Variants in CLIP4 observed in about 807,000 individuals in gnomAD.
CLIP4 encodes CAP-Gly domain-containing linker protein 4.
CLIP4 carries 47 observed loss-of-function variants against 73.1 expected under a neutral mutation model. The ratio of observed to expected loss-of-function variants is 0.64; its 90% CI spans 0.51 to 0.82. CLIP4 has a LOEUF of 0.82. CLIP4 is among the 40% of genes least tolerant of loss of function. The pLI, the probability that CLIP4 is intolerant of heterozygous loss-of-function variation, is 0.00. For synonymous variants in CLIP4, 306 were observed against 295.4 expected, an observed-to-expected ratio of 1.04 and a Z score of -0.37; for missense variants, 874 against 852.9, an observed-to-expected ratio of 1.02 and a Z score of -0.31.
At chr2:29,106,401 C>G (rs554144888) in intron 1 of CLIP4, among the ~76,000 whole-genome samples, 1 of 152,290 alleles carries the variant, frequency 6.6e-6, no homozygotes, top group East Asian at 1.9e-4. Context: ...TGAGAAATCC[C>G]GAGTTCTGGC....
At position 29,135,595 on chromosome 2, in the gene CLIP4, A is replaced by ATT; in HGVS notation, c.578_579dup (p.Ala194LeufsTer11). ...TTTTAATTTTGGAACAGCTTTGCATATTGCAGCATACAACTTGTGTGCAGG... is the reference window on the plus strand; with the variant it reads ...TTTTAATTTTGGAACAGCTTTGCATATTTTGCAGCATACAACTTGTGTGCAGG... On this transcript the variant is annotated frameshift_variant, in exon 6 of 16. Transcript: ENST00000320081. LOFTEE classifies it high-confidence loss of function. 6.2e-7 allele frequency: 1 copy of ATT among 1,611,064 alleles called. No homozygotes were observed. The highest frequency in any genetic ancestry group is 1.1e-5 in the South Asian group (1 of 90,444).
At chr2:29,146,384 A>T (rs993269997) in intron 8 of CLIP4, among the ~76,000 whole-genome samples, 2 of 152,116 alleles carry the variant, frequency 1.3e-5, no homozygotes, top group Admixed American at 1.3e-4. Flanking sequence ...CAACTTTATG[A>T]CCGCATTCCT....
intron 1 of CLIP4, among the ~76,000 whole-genome samples, chr2:29,119,322 A>G (rs1205269316): frequency 6.6e-6 from 1 of 152,198 alleles, no homozygotes; most frequent in Admixed American, 6.5e-5. Flanking sequence ...GTTGTGTACG[A>G]TAGAGTTCGT....
chr2:29,123,507 G>A (rs964270078), intron 2 of CLIP4, among the ~76,000 whole-genome samples: 9 of 152,332 alleles, frequency 5.9e-5, no homozygotes, highest in African/African-American at 2.2e-4. Flanking sequence ...ATGGGGGCAA[G>A]GCAGCTGCTT....
At chr2:29,121,579 G>A (rs556890156) in intron 2 of CLIP4, 58 bp downstream of exon 2, 35 of 1,572,734 alleles carry the variant, frequency 2.2e-5, no homozygotes, top group Middle Eastern at 3.4e-4. Context: ...TCTCTGTTAC[G>A]CCTTTTTTGC....
chr2:29,153,376 T>G (rs1291679071), intron 9 of CLIP4, among the ~76,000 whole-genome samples: 3 of 152,194 alleles, frequency 2.0e-5, no homozygotes, highest in African/African-American at 7.2e-5. Flanking sequence ...TGTCTCATGC[T>G]ATTTATCTGT....
chr2:29,135,810 A>G, intron 6 of CLIP4, 144 bp downstream of exon 6: 1 of 561,910 alleles, frequency 1.8e-6, no homozygotes, highest in Non-Finnish European at 3.0e-6. Flanking sequence ...GTAAAGAGTG[A>G]TGATGATCTT....
rs1022086257 is a variant in CLIP4 at position 29,182,021 on chromosome 2, T to C, written c.*128T>C. On this transcript the variant is annotated 3_prime_UTR_variant, in exon 16 of 16. Coordinates refer to ENST00000320081, the MANE Select transcript of CLIP4 (RefSeq NM_024692.6). The stretch of plus-strand genomic sequence containing the variant: ...ATAGTTATCTTCTTAAAAACCATTA[T>C]AACAATTCAGAGAGAGTTCTTTACA... The C allele has an allele frequency of 4.6e-5, 34 of 735,860 alleles. No homozygotes were observed. The highest frequency in any genetic ancestry group is 6.1e-5 in the Non-Finnish European group (29 of 476,316). 45.6% of individuals were successfully genotyped at this position (735,860 alleles called of 1,614,324 possible). A position where few individuals can be genotyped will look rare whatever the true frequency, so the allele number is the denominator to read the frequency against.
chr2:29,140,074 TTTTA>T (rs1298225756), intron 6 of CLIP4, among the ~76,000 whole-genome samples: 1 of 152,074 alleles, frequency 6.6e-6, no homozygotes, highest in Non-Finnish European at 1.5e-5. Flanking sequence ...TATTTTTATT[TTTTA>T]TTTTGTTTCT....
intron 11 of CLIP4, among the ~76,000 whole-genome samples, chr2:29,158,148 C>T (rs1667048758): frequency 6.6e-6 from 1 of 152,152 alleles, no homozygotes; most frequent in Non-Finnish European, 1.5e-5. Flanking sequence ...AAAGTTTTCC[C>T]TGAAATTGTT....
chr2:29,136,353 T>C (rs563729569), intron 6 of CLIP4, among the ~76,000 whole-genome samples: 33 of 152,296 alleles, frequency 2.2e-4, no homozygotes, highest in African/African-American at 7.7e-4. Context: ...TTCCCTTTCC[T>C]ATTTTTCCCA....
chr2:29,166,530 GACACACACACACACACACACACAC>G (rs55833657), intron 13 of CLIP4, among the ~76,000 whole-genome samples: 1 of 146,914 alleles, frequency 6.8e-6, no homozygotes, highest in African/African-American at 2.5e-5. Context: ...TACACACACA[GACACACACACACACACACACACAC>G]ACACACACTG....
At chr2:29,102,104 GGA>G (rs1668067841) in intron 1 of CLIP4, among the ~76,000 whole-genome samples, 1 of 152,134 alleles carries the variant, frequency 6.6e-6, no homozygotes, top group Admixed American at 6.5e-5. Flanking sequence ...CTGGTGGTCA[GGA>G]AAACCCTGTG....
intron 9 of CLIP4, among the ~76,000 whole-genome samples, chr2:29,153,231 A>C (rs185574274): frequency 2.0e-3 from 300 of 152,234 alleles, no homozygotes; most frequent in Non-Finnish European, 3.5e-3. Context: ...TTATTGATAG[A>C]GTCTCACACG....
intron 13 of CLIP4, among the ~76,000 whole-genome samples, chr2:29,165,536 T>C (rs73920718): frequency 1.9e-3 from 294 of 152,306 alleles, no homozygotes; most frequent in African/African-American, 6.9e-3. Flanking sequence ...TTAGAAGAGC[T>C]TCAGGGACCT....
Position 29,143,906 on chromosome 2 carries a change from C to A in CLIP4, c.846C>A (p.Gly282=). ...GCAAGGCAATGCTTACGTCACTTGG[C>A]CTGAAGTTGGGGGATCGTGTTGTTA... ...VTGKAMLTSL[G]LKLGDRVVIA... Residue 282 remains glycine (G), a synonymous_variant, in exon 7 of 16, where the codon GGC becomes GGA. Transcript: ENST00000320081. 1 of 1,614,068 alleles carries A rather than the reference C, an allele frequency of 6.2e-7. No individual in the cohort carries two copies. Among genetic ancestry groups the A allele is most frequent in the Non-Finnish European group, 8.5e-7 (1 of 1,180,008 alleles).
chr2:29,149,258 A>C (rs971962548), intron 8 of CLIP4, among the ~76,000 whole-genome samples: 9 of 152,198 alleles, frequency 5.9e-5, no homozygotes, highest in Non-Finnish European at 8.8e-5. Context: ...CTGAGCTTCC[A>C]GTGTTGCTGT....
At chr2:29,120,035 T>C (rs1664148562) in intron 1 of CLIP4, among the ~76,000 whole-genome samples, 1 of 152,180 alleles carries the variant, frequency 6.6e-6, no homozygotes, top group African/African-American at 2.4e-5. Flanking sequence ...CTCATTACTG[T>C]TTGGAATTGA....
At chr2:29,101,925 C>T (rs192076608) in intron 1 of CLIP4, among the ~76,000 whole-genome samples, 34 of 152,326 alleles carry the variant, frequency 2.2e-4, no homozygotes, top group East Asian at 7.7e-4. Context: ...AATGGGACCA[C>T]GGCTTTTTCA....
Sources: allele counts gnomAD v4.1 joint callset (sites outside exome capture counted in the v4.1 genomes callset), GRCh38; gene constraint gnomAD v4.1.1; transcripts MANE v1.5; gene names NCBI Gene and HGNC (gene_info 2026-07-23, HGNC 2026-07-21).